Variants in EIF3K observed in about 807,000 individuals in gnomAD.
EIF3K encodes the protein eIF-3 p28.
A neutral mutation model predicts 34.2 loss-of-function variants in EIF3K; 27 were observed. The ratio of observed to expected loss-of-function variants is 0.79; its 90% CI spans 0.58 to 1.09. EIF3K has a LOEUF of 1.09. Ranked by LOEUF, EIF3K falls within the 50% of genes least tolerant of loss-of-function variation. The pLI is 0.00. For synonymous variants in EIF3K, 105 were observed against 105.7 expected, an observed-to-expected ratio of 0.99 and a Z score of 0.04; for missense variants, 232 against 275.4, an observed-to-expected ratio of 0.84 and a Z score of 1.11.
intron 6 of EIF3K, among the ~76,000 whole-genome samples, chr19:38,634,263 A>AT (rs34872970): frequency 0.028 from 3,142 of 113,718 alleles, 72 homozygotes; most frequent in Non-Finnish European, 0.035. Context: ...CGCCCAGCTA[A>AT]TTTTTTTTTT....
chr19:38,631,639 C>T (rs1423324943), intron 4 of EIF3K, among the ~76,000 whole-genome samples: 2 of 152,178 alleles, frequency 1.3e-5, no homozygotes, highest in Non-Finnish European at 2.9e-5. Context: ...TGCAAAGAGG[C>T]GTTCCTTCCT....
intron 2 of EIF3K, among the ~76,000 whole-genome samples, chr19:38,621,896 T>C (rs1975848439): frequency 6.6e-6 from 1 of 151,008 alleles, no homozygotes; most frequent in Non-Finnish European, 1.5e-5. Context: ...TGTGGGTTCT[T>C]CGTGCCCTTT....
At chr19:38,635,463 T>G (rs1325077069) in intron 7 of EIF3K, 6 of 390,358 alleles carry the variant, frequency 1.5e-5, no homozygotes, top group Non-Finnish European at 2.8e-5. Flanking sequence ...CCAAGCCTCA[T>G]GTGCAGACTT....
In EIF3K at chr19:38,629,322, TCTCA is replaced by T. The variant is rs549057559; in HGVS notation, c.355-3104_355-3101del. On this transcript the variant is annotated intron_variant, in intron 4 of 7. Transcript: ENST00000248342. ...TTTTGTTTTGTTTTTTGAGACAGGG[TCTCA>T]CTCTGTCGCCCAGGCCGCAGTGCAG... Among the ~76,000 whole-genome samples, 433 of 152,136 alleles carry T rather than the reference TCTCA, an allele frequency of 2.8e-3. 5 individuals are homozygous for T. Among genetic ancestry groups the T allele is most frequent in the African/African-American group, 0.01 (418 of 41,502 alleles).
At chr19:38,625,560 C>T (rs1005611557) in intron 3 of EIF3K, among the ~76,000 whole-genome samples, 2 of 148,292 alleles carry the variant, frequency 1.3e-5, no homozygotes, top group Admixed American at 6.8e-5. Context: ...TCCAGGCTGG[C>T]GTGCAAAGGC....
At chr19:38,635,151 G>A (rs1180945302) in intron 7 of EIF3K, 33 bp downstream of exon 7, 10 of 1,613,808 alleles carry the variant, frequency 6.2e-6, no homozygotes, top group South Asian at 3.3e-5. Context: ...GGGCTTTGGG[G>A]CTAAGGGGGT....
At chr19:38,621,429 T>A (rs1383838066) in intron 2 of EIF3K, among the ~76,000 whole-genome samples, 3 of 152,082 alleles carry the variant, frequency 2.0e-5, no homozygotes, top group African/African-American at 7.2e-5. Flanking sequence ...AAATAAAGGT[T>A]AATTACAGAA....
chr19:38,635,051 G>C lies in EIF3K; in HGVS notation c.558G>C (p.Gln186His). 1 of 1,614,186 alleles carries C rather than the reference G, an allele frequency of 6.2e-7. No individual in the cohort carries two copies. The highest frequency in any genetic ancestry group is 1.1e-5 in the South Asian group (1 of 91,068). Residue 186 changes from glutamine to histidine, a missense_variant, in exon 7 of 8, where the codon CAG becomes CAC. Physicochemically the swap from Gln to His is conservative, Grantham distance 24. Transcript: ENST00000248342. The stretch of plus-strand genomic sequence containing the variant: ...GCTGGAGTGCCGACGAGTCGGGGCA[G>C]ATCTTCATCTGTAGCCAAGAAGAGA... ...KYGWSADESG[Q>H]IFICSQEESI...
intron 7 of EIF3K, among the ~76,000 whole-genome samples, chr19:38,636,688 C>G (rs1050158540): frequency 6.6e-6 from 1 of 152,140 alleles, no homozygotes; most frequent in Non-Finnish European, 1.5e-5. Context: ...TGTTAATTGG[C>G]AGAGCTGGGA....
intron 2 of EIF3K, among the ~76,000 whole-genome samples, chr19:38,623,875 G>A (rs1340458410): frequency 6.6e-6 from 1 of 152,186 alleles, no homozygotes; most frequent in East Asian, 1.9e-4. Context: ...GGGTAGTTGT[G>A]AGCATTAACT....
intron 4 of EIF3K, among the ~76,000 whole-genome samples, chr19:38,629,888 A>G (rs914844098): frequency 2.0e-5 from 3 of 152,104 alleles, no homozygotes; most frequent in Non-Finnish European, 2.9e-5. Context: ...TGTGTGGCCT[A>G]ATGGGCTATG....
At chr19:38,636,286 C>T (rs1976190211) in intron 7 of EIF3K, among the ~76,000 whole-genome samples, 1 of 152,114 alleles carries the variant, frequency 6.6e-6, no homozygotes, top group Non-Finnish European at 1.5e-5. Flanking sequence ...CCCAGCCCTG[C>T]CGGGGGAGTA....
rs768178719 is a variant in EIF3K, at chr19:38,632,637, T to A, written c.458T>A (p.Ile153Asn). ...GTTGTGGGTATCACTTACCAGCACATTGACCGCTGGCTGCTGGCCGAGATG... is the reference window on the plus strand; with the variant it reads ...GTTGTGGGTATCACTTACCAGCACAATGACCGCTGGCTGCTGGCCGAGATG... The part of the protein sequence containing the change: ...CHVVGITYQH[I>N]DRWLLAEMLG... Residue 153 changes from isoleucine (I) to asparagine (N), a missense_variant, in exon 6 of 8, where the codon ATT (isoleucine) becomes AAT (asparagine). Coordinates refer to ENST00000248342, the MANE Select transcript of EIF3K (RefSeq NM_013234.4). The A allele has an allele frequency of 1.2e-6, 2 of 1,613,954 alleles. No homozygotes were observed. The highest frequency in any genetic ancestry group is 1.7e-6 in the Non-Finnish European group (2 of 1,179,922).
intron 2 of EIF3K, among the ~76,000 whole-genome samples, chr19:38,621,251 GTC>G (rs914479037): frequency 6.8e-6 from 1 of 147,838 alleles, no homozygotes; most frequent in Non-Finnish European, 1.5e-5. Context: ...GCACAACCCT[GTC>G]TCTACAAAAA....
At chr19:38,625,137 G>T (rs1306788992) in intron 3 of EIF3K, among the ~76,000 whole-genome samples, 1 of 150,668 alleles carries the variant, frequency 6.6e-6, no homozygotes, top group African/African-American at 2.4e-5. Context: ...TTTAAGGTGG[G>T]TTTTTTTTTG....
intron 4 of EIF3K, among the ~76,000 whole-genome samples, chr19:38,631,500 C>A (rs1057009568): frequency 2.6e-5 from 4 of 152,244 alleles, no homozygotes; most frequent in Non-Finnish European, 4.4e-5. Flanking sequence ...TTGCTGCCCG[C>A]GTGTCCCACC....
intron 2 of EIF3K, among the ~76,000 whole-genome samples, chr19:38,623,388 C>T (rs1466303313): frequency 3.3e-5 from 5 of 152,318 alleles, no homozygotes; most frequent in South Asian, 2.1e-4. Flanking sequence ...AGGCTGGTCT[C>T]GAACTCCTGA....
intron 4 of EIF3K, chr19:38,626,380 G>A (rs1975951943): frequency 7.3e-6 from 3 of 410,648 alleles, no homozygotes; most frequent in Admixed American, 7.8e-5. Flanking sequence ...GTGGCTGGGT[G>A]TAGTGACTCA....
chr19:38,630,077 A>G, intron 4 of EIF3K, among the ~76,000 whole-genome samples: 1 of 151,998 alleles, frequency 6.6e-6, no homozygotes, highest in East Asian at 1.9e-4. Flanking sequence ...CATCTCTAAA[A>G]TGGATATAAC....
Sources: allele counts gnomAD v4.1 joint callset (sites outside exome capture counted in the v4.1 genomes callset), GRCh38; gene constraint gnomAD v4.1.1; transcripts MANE v1.5; gene names NCBI Gene and HGNC (gene_info 2026-07-23, HGNC 2026-07-21).